The following STX3 variants were observed in gnomAD, a reference collection of about 807,000 sequenced individuals.
STX3 encodes the protein syntaxin-3.
Under a neutral mutation model 40.2 loss-of-function variants are expected in STX3, and 19 were observed. The observed-to-expected ratio is 0.47, with a 90% CI of 0.33 to 0.69. The LOEUF (loss-of-function observed/expected upper bound fraction) is 0.69. STX3 is among the 30% of genes least tolerant of loss of function. STX3 has a pLI of 0.02. For missense variants in STX3, 364 were observed against 366.7 expected, an observed-to-expected ratio of 0.99 and a Z score of 0.06; for synonymous variants, 122 against 132.2, an observed-to-expected ratio of 0.92 and a Z score of 0.53.
chr11:59,757,126 GT>G (rs1192892839), intron 1 of STX3, among the ~76,000 whole-genome samples: 1 of 152,134 alleles, frequency 6.6e-6, no homozygotes, highest in Non-Finnish European at 1.5e-5. Context: ...TATTGCCCCT[GT>G]TTTTATAGAT....
intron 2 of STX3, chr11:59,781,826 G>C: frequency 9.1e-7 from 1 of 1,093,460 alleles, no homozygotes; most frequent in South Asian, 1.4e-5. Context: ...TATGAAGACT[G>C]CTTGGGATTC....
intron 1 of STX3, among the ~76,000 whole-genome samples, chr11:59,760,634 T>G (rs1331595976): frequency 6.6e-6 from 1 of 152,200 alleles, no homozygotes; most frequent in Non-Finnish European, 1.5e-5. Flanking sequence ...GCTACATACC[T>G]TACATACCTT....
intron 2 of STX3, chr11:59,781,687 G>T: frequency 3.7e-6 from 6 of 1,601,952 alleles, no homozygotes; most frequent in South Asian, 2.2e-5. Flanking sequence ...TCCACCAGGC[G>T]CCATCTTCCT....
At chr11:59,792,860 GGA>G (rs1865280703) in intron 6 of STX3, among the ~76,000 whole-genome samples, 1 of 152,152 alleles carries the variant, frequency 6.6e-6, no homozygotes, top group African/African-American at 2.4e-5. Context: ...AATGGGGCAA[GGA>G]AATGTTCTGA....
chr11:59,755,313 G>A (rs1862641406), upstream of STX3: 1 of 264,530 alleles, frequency 3.8e-6, no homozygotes, highest in Non-Finnish European at 7.0e-6. Flanking sequence ...GGAGCGAGGG[G>A]CGCGGCCAGG....
chr11:59,797,694 A>T (rs1363764283), intron 10 of STX3, among the ~76,000 whole-genome samples: 2 of 152,160 alleles, frequency 1.3e-5, no homozygotes, highest in African/African-American at 4.8e-5. Flanking sequence ...CCCCTTACTC[A>T]GGAAGCATGC....
chr11:59,754,470 C>T (rs486587), upstream of STX3: 21,189 of 152,762 alleles, frequency 0.14, 2,371 homozygotes, highest in African/African-American at 0.3. Flanking sequence ...GATGAATGTG[C>T]CATTTGTTCC....
At chr11:59,778,321 A>G (rs1191940313) in intron 2 of STX3, among the ~76,000 whole-genome samples, 2 of 152,180 alleles carry the variant, frequency 1.3e-5, no homozygotes, top group Non-Finnish European at 2.9e-5. Context: ...TCCTTTCATC[A>G]GAGAGGAAAA....
At chr11:59,800,708 T>G (rs1865840179) in intron 10 of STX3, 147 bp from the exon 11 acceptor site, 2 of 1,459,358 alleles carry the variant, frequency 1.4e-6, no homozygotes, top group Admixed American at 4.9e-5. Context: ...AGTGGGATAT[T>G]TAACTCCAAG....
intron 2 of STX3, among the ~76,000 whole-genome samples, chr11:59,781,970 A>C (rs1864413094): frequency 6.6e-6 from 1 of 152,226 alleles, no homozygotes; most frequent in Non-Finnish European, 1.5e-5. Flanking sequence ...ATGCTCAACT[A>C]GAGGTACAAG....
intron 1 of STX3, among the ~76,000 whole-genome samples, chr11:59,771,341 G>A (rs1863614444): frequency 1.3e-5 from 2 of 149,528 alleles, no homozygotes; most frequent in South Asian, 4.2e-4. Flanking sequence ...TTGCGCCATT[G>A]CATTCCAGCC....
At position 59,792,576 on chromosome 11, in the gene STX3, G is replaced by A. The variant is rs147598736; in HGVS notation, c.466+361G>A. Among the ~76,000 whole-genome samples the A allele has an allele frequency of 5.0e-3, 756 of 152,006 alleles. 10 individuals carry two copies. Among genetic ancestry groups the A allele is most frequent in the African/African-American group, 0.017 (711 of 41,538 alleles). On this transcript the variant is annotated intron_variant, in intron 6 of 10. Coordinates refer to ENST00000337979, the MANE Select transcript of STX3 (RefSeq NM_004177.5). Reference sequence around the variant, plus strand: ...AAGTTGCTGGGAGGATAAAAGTATGGTGTAAGTTGCTGGGAGGATTAGAGA... The same window carrying A: ...AAGTTGCTGGGAGGATAAAAGTATGATGTAAGTTGCTGGGAGGATTAGAGA...
At chr11:59,765,126 T>C (rs1311088225) in intron 1 of STX3, among the ~76,000 whole-genome samples, 1 of 152,152 alleles carries the variant, frequency 6.6e-6, no homozygotes, top group African/African-American at 2.4e-5. Flanking sequence ...TCATTATCTG[T>C]CAATCTCCTC....
intron 2 of STX3, among the ~76,000 whole-genome samples, chr11:59,779,382 G>T (rs559132208): frequency 1.3e-5 from 2 of 152,264 alleles, no homozygotes; most frequent in Admixed American, 6.5e-5. Flanking sequence ...CTGCTTATAA[G>T]TGCACAAAAC....
At chr11:59,780,106 AACT>A (rs1189670553) in intron 2 of STX3, among the ~76,000 whole-genome samples, 2 of 152,104 alleles carry the variant, frequency 1.3e-5, no homozygotes, top group Non-Finnish European at 1.5e-5. Context: ...TATCACAGGG[AACT>A]ACATTTCCCA....
intron 5 of STX3, 72 bp from the exon 6 acceptor site, chr11:59,792,024 AGATGGCTATGT>A: frequency 9.2e-7 from 1 of 1,088,606 alleles, no homozygotes; most frequent in South Asian, 1.3e-5. Flanking sequence ...GTGCTATTGT[AGATGGCTATGT>A]GGGGGTGGGG....
At chr11:59,787,731 T>C (rs1864866328) in intron 3 of STX3, among the ~76,000 whole-genome samples, 1 of 152,202 alleles carries the variant, frequency 6.6e-6, no homozygotes, top group Admixed American at 6.5e-5. Flanking sequence ...TAACGATAGC[T>C]GAAGCGCTGA....
intron 3 of STX3, 80 bp downstream of exon 3, chr11:59,787,216 G>C: frequency 8.0e-7 from 1 of 1,242,820 alleles, no homozygotes; most frequent in Non-Finnish European, 1.2e-6. Context: ...CTTGCCCTTC[G>C]TGAGCAGTAG....
chr11:59,790,121 T>C (rs1201954483), intron 4 of STX3, among the ~76,000 whole-genome samples: 1 of 152,240 alleles, frequency 6.6e-6, no homozygotes, highest in Non-Finnish European at 1.5e-5. Context: ...CACCTGCCAT[T>C]GTGCTAGGCA....
Sources: gnomAD v4.1 joint callset for allele counts (sites outside exome capture counted in the v4.1 genomes callset) on GRCh38, gnomAD v4.1.1 for gene constraint, MANE v1.5 for transcripts, NCBI Gene and HGNC (gene_info 2026-07-23, HGNC 2026-07-21) for gene names.